GNA14: variants seen among roughly 807,000 people sequenced by gnomAD.
GNA14 encodes guanine nucleotide-binding protein subunit alpha-14.
A neutral mutation model predicts 42.0 loss-of-function variants in GNA14; 50 were observed. The observed-to-expected ratio is 1.19, with a 90% CI of 0.95 to 1.51. The LOEUF is 1.51. Ranked by LOEUF, GNA14 falls within the 40% of genes most tolerant of loss-of-function variation. The pLI, the probability that GNA14 is intolerant of heterozygous loss-of-function variation, is 0.00. For missense variants in GNA14, 473 were observed against 446.2 expected (o/e 1.06, Z -0.54); for synonymous variants, 173 against 163.1 (o/e 1.06, Z -0.46).
At chr9:77,608,841 T>C (rs530444692) in intron 1 of GNA14, among the ~76,000 whole-genome samples, 1 of 151,970 alleles carries the variant, frequency 6.6e-6, no homozygotes, top group South Asian at 2.1e-4. Flanking sequence ...CTCCTGTTTA[T>C]TTCTGCCCCC....
At chr9:77,576,110 C>T (rs1011685839) in intron 1 of GNA14, among the ~76,000 whole-genome samples, 3 of 152,112 alleles carry the variant, frequency 2.0e-5, no homozygotes, top group African/African-American at 7.2e-5. Flanking sequence ...AATTAAGAGA[C>T]ATAAATATAC....
intron 1 of GNA14, among the ~76,000 whole-genome samples, chr9:77,629,131 CTCA>C (rs747519519): frequency 1.2e-4 from 18 of 152,182 alleles, no homozygotes; most frequent in Non-Finnish European, 2.1e-4. Flanking sequence ...TGAAAAAAAG[CTCA>C]TCACCACTGG....
At chr9:77,477,638 G>A (rs972743116) in intron 2 of GNA14, among the ~76,000 whole-genome samples, 6 of 152,132 alleles carry the variant, frequency 3.9e-5, no homozygotes, top group Non-Finnish European at 5.9e-5. Flanking sequence ...AAGTTAGCAG[G>A]CAGTTAAAGA....
intron 2 of GNA14, among the ~76,000 whole-genome samples, chr9:77,520,194 C>T (rs1293982614): frequency 1.3e-5 from 2 of 152,042 alleles, no homozygotes; most frequent in East Asian, 3.9e-4. Context: ...ATAAGCAAAT[C>T]GGCCCCTGAA....
chr9:77,537,552 G>C (rs939951064), intron 1 of GNA14, among the ~76,000 whole-genome samples: 2 of 152,138 alleles, frequency 1.3e-5, no homozygotes, highest in African/African-American at 4.8e-5. Flanking sequence ...TGCAAGCGCA[G>C]GTATTCCTGT....
intron 2 of GNA14, among the ~76,000 whole-genome samples, chr9:77,510,815 T>A (rs11145450): frequency 6.6e-6 from 1 of 151,868 alleles, no homozygotes; most frequent in African/African-American, 2.4e-5. Context: ...GGGAGTTAGG[T>A]TGGAAAGTTT....
chr9:77,461,825 A>G (rs1836112591), intron 2 of GNA14, among the ~76,000 whole-genome samples: 1 of 152,166 alleles, frequency 6.6e-6, no homozygotes, highest in Non-Finnish European at 1.5e-5. Flanking sequence ...TCTCCTGAGC[A>G]AGAGTAAAAG....
At chr9:77,517,549 GTGTA>G (rs1587812653) in intron 2 of GNA14, 1 of 136,068 alleles carries the variant, frequency 7.3e-6, no homozygotes, top group East Asian at 2.4e-4. Context: ...GTCTGTGTAT[GTGTA>G]TGTATGTGTA....
At chr9:77,625,717 G>T (rs750501800) in intron 1 of GNA14, among the ~76,000 whole-genome samples, 1 of 152,074 alleles carries the variant, frequency 6.6e-6, no homozygotes. Context: ...GCCTGCCTTA[G>T]AAGAGCTCCT....
intron 2 of GNA14, among the ~76,000 whole-genome samples, chr9:77,441,711 AAATAT>A (rs1835738759): frequency 6.6e-6 from 1 of 151,974 alleles, no homozygotes; most frequent in Admixed American, 6.5e-5. Context: ...GATTAAGATA[AAATAT>A]ATTATTAAAT....
intron 2 of GNA14, among the ~76,000 whole-genome samples, chr9:77,452,382 G>A (rs146849687): frequency 5.3e-5 from 8 of 152,204 alleles, no homozygotes; most frequent in Non-Finnish European, 1.2e-4. Context: ...AGTACATTCA[G>A]TCCAGCGATG....
chr9:77,512,058 C>G (rs888916094), intron 2 of GNA14, among the ~76,000 whole-genome samples: 1 of 151,938 alleles, frequency 6.6e-6, no homozygotes, highest in Non-Finnish European at 1.5e-5. Flanking sequence ...GGTGACAGAG[C>G]CCCCACTGCC....
intron 1 of GNA14, among the ~76,000 whole-genome samples, chr9:77,560,099 C>T (rs749744298): frequency 6.6e-6 from 1 of 151,968 alleles, no homozygotes; most frequent in Non-Finnish European, 1.5e-5. Flanking sequence ...TTCAGGTTTG[C>T]GAATTACTGG....
rs145158204 is a variant in GNA14, at chr9:77,525,212, C to T, written c.309+3857G>A. 7.4e-3 allele frequency among the ~76,000 whole-genome samples: 1,124 copies of T among 152,302 alleles called. 6 individuals carry two copies. The highest frequency in any genetic ancestry group is 0.014 in the Middle Eastern group (4 of 294). The stretch of plus-strand genomic sequence containing the variant: ...CAACAGCAGAACTGGGTAGTTCCAA[C>T]AGAGACCATATAGCCCACAAATATT... On this transcript the variant is annotated intron_variant, in intron 2 of 6. Coordinates refer to ENST00000341700, the MANE Select transcript of GNA14 (RefSeq NM_004297.4).
intron 1 of GNA14, among the ~76,000 whole-genome samples, chr9:77,615,595 C>T (rs1823798619): frequency 6.6e-6 from 1 of 151,970 alleles, no homozygotes. Flanking sequence ...TCACACTCCT[C>T]CCCACCCAAG....
chr9:77,592,846 A>AC (rs1218029630), intron 1 of GNA14, among the ~76,000 whole-genome samples: 3 of 152,172 alleles, frequency 2.0e-5, no homozygotes, highest in African/African-American at 7.2e-5. Context: ...AGAACTCATA[A>AC]CTGGACTGTG....
intron 2 of GNA14, among the ~76,000 whole-genome samples, chr9:77,523,690 T>C (rs980253856): frequency 6.6e-6 from 1 of 152,206 alleles, no homozygotes; most frequent in Admixed American, 6.5e-5. Context: ...CCAGTGTAGT[T>C]TGGCGCTCCT....
At chr9:77,513,886 T>C (rs1837208827) in intron 2 of GNA14, among the ~76,000 whole-genome samples, 1 of 152,242 alleles carries the variant, frequency 6.6e-6, no homozygotes, top group African/African-American at 2.4e-5. Context: ...TAAAACTTGG[T>C]TGATGAAAAG....
chr9:77,616,517 G>C (rs1177934315), intron 1 of GNA14, among the ~76,000 whole-genome samples: 1 of 152,142 alleles, frequency 6.6e-6, no homozygotes, highest in Non-Finnish European at 1.5e-5. Context: ...AGGAAGATGG[G>C]GGCACTCAGG....
Sources: gnomAD v4.1 joint callset for allele counts (sites outside exome capture counted in the v4.1 genomes callset) on GRCh38, gnomAD v4.1.1 for gene constraint, MANE v1.5 for transcripts, NCBI Gene and HGNC (gene_info 2026-07-23, HGNC 2026-07-21) for gene names.